PKHD1: variants seen among roughly 807,000 people sequenced by gnomAD.
The protein encoded by PKHD1 is fibrocystin.
Under a neutral mutation model 412.0 loss-of-function variants are expected in PKHD1, and 291 were observed. The ratio of observed to expected loss-of-function variants is 0.71; its 90% confidence interval spans 0.64 to 0.78. The LOEUF (loss-of-function observed/expected upper bound fraction) is 0.78, where lower values mean the gene tolerates loss of function less well. PKHD1 is among the 30% of genes least tolerant of loss of function. The pLI, the probability that PKHD1 is intolerant of heterozygous loss-of-function variation, is 0.00. For synonymous variants in PKHD1, 1,777 were observed against 1,821.5 expected (o/e 0.98, Z 0.62); for missense variants, 4,825 against 4,950.7 (o/e 0.97, Z 0.76).
chr6:51,668,445 G>A (rs549673624), intron 60 of PKHD1, among the ~76,000 whole-genome samples: 1 of 152,254 alleles, frequency 6.6e-6, no homozygotes, highest in South Asian at 2.1e-4. Context: ...GAGATTTTGG[G>A]CTAAGACAAT....
chr6:51,820,325 C>A (rs1336600721), intron 52 of PKHD1, among the ~76,000 whole-genome samples: 2 of 152,196 alleles, frequency 1.3e-5, no homozygotes, highest in Admixed American at 1.3e-4. Flanking sequence ...CATCTAGTCA[C>A]AAAGGCCAGC....
chr6:52,059,847 G>C, intron 15 of PKHD1, 81 bp downstream of exon 15: 1 of 776,254 alleles, frequency 1.3e-6, no homozygotes, highest in South Asian at 1.4e-5. Flanking sequence ...TAAAACATGA[G>C]AGCCTTAACT....
At chr6:51,962,542 C>T (rs1792209374) in intron 35 of PKHD1, among the ~76,000 whole-genome samples, 2 of 152,038 alleles carry the variant, frequency 1.3e-5, no homozygotes, top group Admixed American at 1.3e-4. Context: ...TTGGTCCCAA[C>T]CCAGTAGGTG....
In PKHD1 at chr6:52,045,090, T is replaced by C. The variant is rs906388362; in HGVS notation, c.2593-2A>G. ...TCCAGTAAGGTTTTCATCAGAGACC[T>C]GAGATGGTTACATTTCTGGTAAATT... On this transcript the variant is annotated splice_acceptor_variant, in intron 24 of 66. Transcript: ENST00000371117. LOFTEE classifies it high-confidence loss of function. 1 of 1,612,886 alleles carries C rather than the reference T, an allele frequency of 6.2e-7. No individual in the cohort carries two copies. Among genetic ancestry groups the C allele is most frequent in the Non-Finnish European group, 8.5e-7 (1 of 1,178,908 alleles).
rs12523926 is a variant in PKHD1 at position 51,836,533 on chromosome 6, C to T, written c.8108-64G>A. 59,607 of 1,164,078 alleles carry T rather than the reference C, an allele frequency of 0.051. 1,842 individuals carry two copies. The highest frequency in any genetic ancestry group is 0.082 in the East Asian group (3,478 of 42,664). The allele number at this position is 1,164,078 out of a possible 1,614,324, so 72.1% of individuals were successfully genotyped here. On this transcript the variant is annotated intron_variant, in intron 50 of 66. Coordinates refer to ENST00000371117, the MANE Select transcript of PKHD1 (RefSeq NM_138694.4). The stretch of plus-strand genomic sequence containing the variant: ...ATCATCTTAATATTAAAGACAGTCA[C>T]ACGTGAGAAAAGAAGAATTTATGCT...
intron 35 of PKHD1, among the ~76,000 whole-genome samples, chr6:51,982,215 GC>G (rs1795490572): frequency 3.6e-5 from 1 of 27,678 alleles, no homozygotes; most frequent in African/African-American, 9.3e-5. Context: ...CCGGCCAGCC[GC>G]CCCATCCGGG....
chr6:51,747,687 C>T, intron 58 of PKHD1, 100 bp downstream of exon 58: 1 of 1,044,542 alleles, frequency 9.6e-7, no homozygotes, highest in Non-Finnish European at 1.5e-6. Flanking sequence ...AGCACTAGAC[C>T]ACAATGTACC....
chr6:51,813,065 T>C (rs1039096925), intron 52 of PKHD1, among the ~76,000 whole-genome samples: 1 of 152,160 alleles, frequency 6.6e-6, no homozygotes, highest in African/African-American at 2.4e-5. Flanking sequence ...CATTGATGTC[T>C]TATGTCTCCC....
intron 53 of PKHD1, among the ~76,000 whole-genome samples, chr6:51,786,393 C>T: frequency 6.6e-6 from 1 of 152,028 alleles, no homozygotes; most frequent in East Asian, 1.9e-4. Context: ...TTCACTGTGT[C>T]CCTTTTAAGT....
intron 52 of PKHD1, among the ~76,000 whole-genome samples, chr6:51,815,648 C>G (rs984859791): frequency 6.6e-6 from 1 of 152,134 alleles, no homozygotes; most frequent in African/African-American, 2.4e-5. Context: ...ACAAAGGGCT[C>G]TGCAGTCCAA....
intron 60 of PKHD1, among the ~76,000 whole-genome samples, chr6:51,696,766 T>A (rs908417688): frequency 1.3e-5 from 2 of 152,006 alleles, no homozygotes; most frequent in African/African-American, 4.8e-5. Flanking sequence ...GGATATGAGG[T>A]CCAGAAACTA....
Position 51,962,315 on chromosome 6 carries a change from T to C in PKHD1, c.5752-2289A>G, listed in dbSNP as rs546165344. Among the ~76,000 whole-genome samples the C allele has an allele frequency of 2.6e-5, 4 of 152,272 alleles. No homozygotes were observed. The South Asian group carries it at 6.2e-4, about 24-fold the overall frequency. The stretch of plus-strand genomic sequence containing the variant: ...CGGGAACAACTAGACATTAGTTAGA[T>C]ATTTAAGTGGGTCAAAGGTAGACTA... On this transcript the variant is annotated intron_variant, in intron 35 of 66. Coordinates refer to ENST00000371117, the MANE Select transcript of PKHD1 (RefSeq NM_138694.4).
intron 36 of PKHD1, among the ~76,000 whole-genome samples, chr6:51,940,711 AACTCTC>A (rs1307410927): frequency 6.6e-6 from 1 of 151,564 alleles, no homozygotes; most frequent in Non-Finnish European, 1.5e-5. Context: ...CGCTCTGGGT[AACTCTC>A]ACAGTGGAAG....
rs562231164 is a variant in PKHD1 at position 51,862,837 on chromosome 6, T to A, written c.7733+5026A>T. Among the ~76,000 whole-genome samples the A allele has an allele frequency of 3.7e-4, 56 of 152,308 alleles. 1 individual carries two copies. Among genetic ancestry groups the A allele is most frequent in the African/African-American group, 1.3e-3 (52 of 41,566 alleles). The stretch of plus-strand genomic sequence containing the variant: ...AATGACCTGAGGTTCTACAACCACC[T>A]GGGAGGTTTTGCTGGGTCAGTACAA... On this transcript the variant is annotated intron_variant, in intron 48 of 66. Coordinates refer to ENST00000371117, the MANE Select transcript of PKHD1 (RefSeq NM_138694.4).
intron 35 of PKHD1, among the ~76,000 whole-genome samples, chr6:51,967,646 GTGTGTGTA>G (rs1583610523): frequency 2.5e-5 from 3 of 118,236 alleles, no homozygotes; most frequent in African/African-American, 8.1e-5. Context: ...AGTTGTGTGT[GTGTGTGTA>G]TGTGTGTGTG....
chr6:51,793,532 C>A (rs979564643), intron 52 of PKHD1, among the ~76,000 whole-genome samples: 5 of 152,246 alleles, frequency 3.3e-5, no homozygotes, highest in African/African-American at 1.2e-4. Flanking sequence ...TGCCCTCTGA[C>A]AGACCCCAGT....
intron 35 of PKHD1, among the ~76,000 whole-genome samples, chr6:51,996,219 C>G (rs1160208530): frequency 6.8e-6 from 1 of 147,898 alleles, no homozygotes; most frequent in African/African-American, 2.5e-5. Context: ...CTGCATTGGC[C>G]AGGATAGTCT....
intron 19 of PKHD1, among the ~76,000 whole-genome samples, chr6:52,054,733 AC>A (rs1233352517): frequency 3.7e-4 from 56 of 152,282 alleles, no homozygotes; most frequent in African/African-American, 1.3e-3. Context: ...CCTGGCCTCC[AC>A]CCACCAGATG....
At chr6:51,686,976 G>A (rs1395411784) in intron 60 of PKHD1, among the ~76,000 whole-genome samples, 4 of 152,056 alleles carry the variant, frequency 2.6e-5, no homozygotes, top group Non-Finnish European at 5.9e-5. Context: ...ATTTTCTCAG[G>A]TACTCCACTT....
Sources: allele counts gnomAD v4.1 joint callset (sites outside exome capture counted in the v4.1 genomes callset), GRCh38; gene constraint gnomAD v4.1.1; transcripts MANE v1.5; gene names NCBI Gene and HGNC (gene_info 2026-07-23, HGNC 2026-07-21).